CYP7B1: variants seen among roughly 807,000 people sequenced by gnomAD.
The protein encoded by CYP7B1 is cytochrome P450 7B1.
CYP7B1 carries 29 observed loss-of-function variants against 42.7 expected under a neutral mutation model. That is an observed-to-expected ratio of 0.68 (90% CI 0.51 to 0.93). The LOEUF (loss-of-function observed/expected upper bound fraction) is 0.93, where lower values mean the gene tolerates loss of function less well. Among genes scored for constraint, CYP7B1 ranks in the 40% least tolerant of loss-of-function variants. The pLI, the probability that CYP7B1 is intolerant of heterozygous loss-of-function variation, is 0.00. For missense variants in CYP7B1, 655 were observed against 600.5 expected (o/e 1.09, Z -0.95); for synonymous variants, 235 against 218.2 (o/e 1.08, Z -0.68).
At chr8:64,606,196 G>A (rs556630101) in intron 4 of CYP7B1, among the ~76,000 whole-genome samples, 8 of 152,300 alleles carry the variant, frequency 5.3e-5, no homozygotes, top group Non-Finnish European at 7.3e-5. Context: ...TAATCAGGCA[G>A]AGTCAAATCG....
rs1046978854 is a variant in CYP7B1, at chr8:64,748,825, G to A, written c.122+49641C>T. Among the ~76,000 whole-genome samples, 8 of 152,264 alleles carry A rather than the reference G, an allele frequency of 5.3e-5. No individual in the cohort carries two copies. In the South Asian group the frequency reaches 1.7e-3, roughly 32 times the overall value. Reference sequence around the variant, plus strand: ...ATCCTTCATTCACTCAACAAATAGTGTTGAGCATTGTGCCAGGCAGAGTGC... The same window carrying A: ...ATCCTTCATTCACTCAACAAATAGTATTGAGCATTGTGCCAGGCAGAGTGC... On this transcript the variant is annotated intron_variant, in intron 1 of 5. Coordinates refer to ENST00000310193, the MANE Select transcript of CYP7B1 (RefSeq NM_004820.5).
chr8:64,587,396 A>G (rs1381493982), downstream of CYP7B1, among the ~76,000 whole-genome samples: 1 of 152,144 alleles, frequency 6.6e-6, no homozygotes, highest in Non-Finnish European at 1.5e-5. Flanking sequence ...CAAAAAGAGA[A>G]CTTCAGGGGC....
At chr8:64,795,087 A>G (rs1427854180) in intron 1 of CYP7B1, among the ~76,000 whole-genome samples, 1 of 152,194 alleles carries the variant, frequency 6.6e-6, no homozygotes, top group Non-Finnish European at 1.5e-5. Flanking sequence ...TCTATATTCT[A>G]TGCCCCTCAA....
chr8:64,649,410 T>A (rs1033756628), intron 1 of CYP7B1, among the ~76,000 whole-genome samples: 8 of 152,252 alleles, frequency 5.3e-5, no homozygotes, highest in African/African-American at 1.7e-4. Context: ...TAAGGCTATA[T>A]AACATTCTTT....
chr8:64,731,064 C>G (rs1486269534), intron 1 of CYP7B1, among the ~76,000 whole-genome samples: 1 of 152,148 alleles, frequency 6.6e-6, no homozygotes, highest in Non-Finnish European at 1.5e-5. Context: ...TGAGGCCTCT[C>G]CAGCCATTCT....
chr8:64,756,924 T>C (rs192575124), intron 1 of CYP7B1, among the ~76,000 whole-genome samples: 6 of 152,298 alleles, frequency 3.9e-5, no homozygotes, highest in Admixed American at 3.9e-4. Flanking sequence ...GTTTAAAGAT[T>C]TATGGGCTTA....
At chr8:64,654,866 C>T (rs1478689430) in intron 1 of CYP7B1, among the ~76,000 whole-genome samples, 2 of 152,002 alleles carry the variant, frequency 1.3e-5, no homozygotes, top group Non-Finnish European at 2.9e-5. Context: ...GAAATAAGGC[C>T]GCACACCTAA....
At chr8:64,646,965 A>C (rs896944268) in intron 1 of CYP7B1, among the ~76,000 whole-genome samples, 5 of 152,226 alleles carry the variant, frequency 3.3e-5, no homozygotes, top group African/African-American at 4.8e-5. Flanking sequence ...CCTAGATTTC[A>C]GTCTGTCTTG....
intron 1 of CYP7B1, among the ~76,000 whole-genome samples, chr8:64,776,932 T>C (rs1804336059): frequency 6.6e-6 from 1 of 152,140 alleles, no homozygotes; most frequent in South Asian, 2.1e-4. Flanking sequence ...TTTTGCACAA[T>C]TGTCTACTCT....
chr8:64,677,003 C>T (rs1806456094), intron 1 of CYP7B1, among the ~76,000 whole-genome samples: 1 of 151,956 alleles, frequency 6.6e-6, no homozygotes, highest in Admixed American at 6.6e-5. Context: ...CATTTGGGGG[C>T]TTTTGTTCTA....
chr8:64,768,881 G>A (rs1244395330), intron 1 of CYP7B1, among the ~76,000 whole-genome samples: 4 of 152,092 alleles, frequency 2.6e-5, no homozygotes, highest in Non-Finnish European at 4.4e-5. Context: ...ACCTTTGAGT[G>A]GCTCTAACTT....
intron 1 of CYP7B1, among the ~76,000 whole-genome samples, chr8:64,739,819 A>G (rs1486676767): frequency 1.3e-5 from 2 of 152,184 alleles, no homozygotes; most frequent in African/African-American, 4.8e-5. Context: ...CCAGAAGAGG[A>G]TAAGAATTAT....
chr8:64,706,223 GA>G (rs1438025910), intron 1 of CYP7B1, among the ~76,000 whole-genome samples: 1 of 152,012 alleles, frequency 6.6e-6, no homozygotes. Flanking sequence ...CTAATGCAAG[GA>G]AATTTTAGAG....
intron 4 of CYP7B1, 91 bp downstream of exon 4, chr8:64,614,935 G>A (rs773969365): frequency 1.6e-6 from 2 of 1,233,674 alleles, no homozygotes; most frequent in Non-Finnish European, 2.4e-6. Context: ...AGGCAGCTGT[G>A]TCCTCTACCT....
intron 1 of CYP7B1, among the ~76,000 whole-genome samples, chr8:64,634,044 C>A (rs988152694): frequency 1.3e-5 from 2 of 152,188 alleles, no homozygotes; most frequent in African/African-American, 4.8e-5. Flanking sequence ...TCATTAATCT[C>A]AGGTGGTGAG....
At chr8:64,590,311 C>G (rs1805017253), downstream of CYP7B1, among the ~76,000 whole-genome samples, 1 of 152,204 alleles carries the variant, frequency 6.6e-6, no homozygotes, top group Non-Finnish European at 1.5e-5. Context: ...CAGGAAAATA[C>G]TGTACGTAGG....
chr8:64,665,052 G>A (rs2129631511), intron 1 of CYP7B1, among the ~76,000 whole-genome samples: 1 of 152,292 alleles, frequency 6.6e-6, no homozygotes, highest in South Asian at 2.1e-4. Flanking sequence ...TGTGTCATAT[G>A]TGAAAACGAT....
intron 1 of CYP7B1, among the ~76,000 whole-genome samples, chr8:64,789,902 C>G (rs1804590444): frequency 6.6e-6 from 1 of 152,164 alleles, no homozygotes; most frequent in Non-Finnish European, 1.5e-5. Flanking sequence ...AAAAAGATGT[C>G]AAAGACTGAA....
intron 1 of CYP7B1, among the ~76,000 whole-genome samples, chr8:64,789,993 C>A (rs754064818): frequency 6.6e-6 from 1 of 152,170 alleles, no homozygotes; most frequent in Non-Finnish European, 1.5e-5. Flanking sequence ...TTCAAAGGAT[C>A]CATGAACTGT....
Sources: gnomAD v4.1 joint callset for allele counts (sites outside exome capture counted in the v4.1 genomes callset) on GRCh38, gnomAD v4.1.1 for gene constraint, MANE v1.5 for transcripts, NCBI Gene and HGNC (gene_info 2026-07-23, HGNC 2026-07-21) for gene names.